Variants in ZDHHC14 observed in about 807,000 individuals in gnomAD.
ZDHHC14 encodes the protein palmitoyltransferase ZDHHC14.
Under a neutral mutation model 47.7 loss-of-function variants are expected in ZDHHC14, and 16 were observed. The ratio of observed to expected loss-of-function variants is 0.34; its 90% CI spans 0.23 to 0.51. The LOEUF (loss-of-function observed/expected upper bound fraction) is 0.51, where lower values mean the gene tolerates loss of function less well. ZDHHC14 is among the 20% of genes least tolerant of loss of function. ZDHHC14 has a pLI of 0.97. For missense variants in ZDHHC14, 515 were observed against 662.5 expected (o/e 0.78, Z 2.44); for synonymous variants, 293 against 278.9 (o/e 1.05, Z -0.50).
intron 3 of ZDHHC14, among the ~76,000 whole-genome samples, chr6:157,606,853 G>T (rs746382271): frequency 6.6e-6 from 1 of 152,182 alleles, no homozygotes; most frequent in Non-Finnish European, 1.5e-5. Context: ...TTCCACTAAC[G>T]TCTAAATGAA....
chr6:157,614,930 C>G (rs1784907110), intron 3 of ZDHHC14, among the ~76,000 whole-genome samples: 1 of 152,108 alleles, frequency 6.6e-6, no homozygotes, highest in African/African-American at 2.4e-5. Context: ...GCCACCACAC[C>G]TGGCTAATTT....
chr6:157,641,091 AT>A (rs546242529), intron 5 of ZDHHC14, among the ~76,000 whole-genome samples: 1 of 152,084 alleles, frequency 6.6e-6, no homozygotes, highest in Admixed American at 6.5e-5. Flanking sequence ...GATCTACCTC[AT>A]TTTTTTAACT....
At chr6:157,647,418 T>C (rs377064430) in intron 7 of ZDHHC14, 50 bp downstream of exon 7, 15 of 1,490,772 alleles carry the variant, frequency 1.0e-5, no homozygotes, top group South Asian at 6.0e-5. Flanking sequence ...GAAAACCGAA[T>C]GCCTCGGCCG....
At chr6:157,627,723 C>T (rs1479443927) in intron 3 of ZDHHC14, among the ~76,000 whole-genome samples, 3 of 152,246 alleles carry the variant, frequency 2.0e-5, no homozygotes, top group Admixed American at 6.5e-5. Flanking sequence ...TGGCCCCGTG[C>T]AGGCAGTCTC....
chr6:157,485,680 AT>A (rs199734094), intron 1 of ZDHHC14, among the ~76,000 whole-genome samples: 4,844 of 143,692 alleles, frequency 0.034, 200 homozygotes, highest in African/African-American at 0.11. Flanking sequence ...CCTATTTCTG[AT>A]TTTTTTTTTT....
intron 1 of ZDHHC14, among the ~76,000 whole-genome samples, chr6:157,534,439 T>C (rs13195719): frequency 0.61 from 92,406 of 152,068 alleles, 29,497 homozygotes; most frequent in African/African-American, 0.82. Flanking sequence ...AAGTAATGTC[T>C]GGACATTAAA....
rs561563224 is a variant in ZDHHC14, at chr6:157,392,872, T to C, written c.245+10606T>C. 1.0e-3 allele frequency among the ~76,000 whole-genome samples: 152 copies of C among 152,162 alleles called. 2 individuals carry two copies. Among genetic ancestry groups the C allele is most frequent in the African/African-American group, 3.4e-3 (140 of 41,530 alleles). On this transcript the variant is annotated intron_variant, in intron 1 of 8. Coordinates refer to ENST00000359775, the MANE Select transcript of ZDHHC14 (RefSeq NM_024630.3). ...TGGCACTTTTTTTATTTTATAACAA[T>C]TTTTTTTAATTATTTTTTTTGAGAT... is the stretch of plus-strand genomic sequence containing the variant.
rs191040132 is a variant in ZDHHC14 at position 157,595,050 on chromosome 6, T to C, written c.565+1904T>C. 3.3e-3 allele frequency among the ~76,000 whole-genome samples: 495 copies of C among 152,290 alleles called. 1 individual carries two copies. Among genetic ancestry groups the C allele is most frequent in the Non-Finnish European group, 5.4e-3 (368 of 68,018 alleles). On this transcript the variant is annotated intron_variant, in intron 3 of 8. Coordinates refer to ENST00000359775, the MANE Select transcript of ZDHHC14 (RefSeq NM_024630.3). ...TATTTTGGTAGGTAGGGTGTTGTTA[T>C]CTGTAAAACTAAAGGTCTTACTGGG...
intron 2 of ZDHHC14, among the ~76,000 whole-genome samples, chr6:157,589,523 G>C (rs1783826290): frequency 6.6e-6 from 1 of 152,100 alleles, no homozygotes; most frequent in Non-Finnish European, 1.5e-5. Context: ...TTACCTCCAT[G>C]CTATTCTCAT....
intron 1 of ZDHHC14, among the ~76,000 whole-genome samples, chr6:157,459,092 T>C (rs1367434033): frequency 1.3e-5 from 2 of 152,106 alleles, no homozygotes; most frequent in Non-Finnish European, 2.9e-5. Context: ...TTTCTATACA[T>C]ATATCCATGC....
At position 157,528,852 on chromosome 6, in the gene ZDHHC14, G is replaced by T. The variant is rs9355744; in HGVS notation, c.246-13733G>T. 2.7e-5 allele frequency among the ~76,000 whole-genome samples: 4 copies of T among 150,624 alleles called. No homozygotes were observed. The East Asian group carries it at 7.9e-4, about 30-fold the overall frequency. ...ACAATTAGATGAAGACTGGGGGTGG[G>T]AGTGGGCATTAATTAATTAATTTAA... On this transcript the variant is annotated intron_variant, in intron 1 of 8. Coordinates refer to ENST00000359775, the MANE Select transcript of ZDHHC14 (RefSeq NM_024630.3).
At chr6:157,587,454 G>C (rs1027819524) in intron 2 of ZDHHC14, among the ~76,000 whole-genome samples, 1 of 152,186 alleles carries the variant, frequency 6.6e-6, no homozygotes, top group African/African-American at 2.4e-5. Flanking sequence ...TGTGACATTA[G>C]TGCCATTTGA....
At chr6:157,595,217 G>A (rs1287820925) in intron 3 of ZDHHC14, among the ~76,000 whole-genome samples, 1 of 76,828 alleles carries the variant, frequency 1.3e-5, no homozygotes, top group Non-Finnish European at 2.3e-5. Flanking sequence ...TTTTGTGATG[G>A]AGTCTTGCTC....
At chr6:157,455,479 A>T (rs1175839684) in intron 1 of ZDHHC14, among the ~76,000 whole-genome samples, 1 of 152,202 alleles carries the variant, frequency 6.6e-6, no homozygotes, top group Admixed American at 6.5e-5. Flanking sequence ...ACCACATGGG[A>T]AATCTGTCCA....
chr6:157,523,006 CTTTTTCTT>C (rs1781014806), intron 1 of ZDHHC14, among the ~76,000 whole-genome samples: 4 of 92,348 alleles, frequency 4.3e-5, no homozygotes, highest in Non-Finnish European at 2.4e-5. Context: ...CTTTTCTTTT[CTTTTTCTT>C]TTCTTTCCCT....
At chr6:157,434,867 A>G (rs1417708760) in intron 1 of ZDHHC14, among the ~76,000 whole-genome samples, 1 of 152,190 alleles carries the variant, frequency 6.6e-6, no homozygotes, top group Non-Finnish European at 1.5e-5. Context: ...CATGTTTTGT[A>G]ATAGTCCCGT....
intron 1 of ZDHHC14, among the ~76,000 whole-genome samples, chr6:157,484,289 A>G (rs559648191): frequency 2.1e-4 from 20 of 96,218 alleles, no homozygotes; most frequent in Admixed American, 3.3e-4. Context: ...GTATATATAT[A>G]TGTGTATATA....
chr6:157,583,416 G>A (rs185754716), intron 2 of ZDHHC14, among the ~76,000 whole-genome samples: 1 of 152,214 alleles, frequency 6.6e-6, no homozygotes, highest in Admixed American at 6.5e-5. Flanking sequence ...AGAGGACCAA[G>A]GCTTTTTGCA....
At chr6:157,498,151 G>C (rs533315992) in intron 1 of ZDHHC14, among the ~76,000 whole-genome samples, 1 of 152,096 alleles carries the variant, frequency 6.6e-6, no homozygotes, top group Non-Finnish European at 1.5e-5. Context: ...ATAAAGAGCC[G>C]GGGGGCTGGG....
Sources: gnomAD v4.1 joint callset for allele counts (sites outside exome capture counted in the v4.1 genomes callset) on GRCh38, gnomAD v4.1.1 for gene constraint, MANE v1.5 for transcripts, NCBI Gene and HGNC (gene_info 2026-07-23, HGNC 2026-07-21) for gene names.